The following PDE8A variants were observed in gnomAD, a reference collection of about 807,000 sequenced individuals.
PDE8A encodes phosphodiesterase 8A.
PDE8A carries 59 observed loss-of-function variants against 105.0 expected under a neutral mutation model. The observed-to-expected ratio is 0.56, with a 90% CI of 0.46 to 0.70. The LOEUF (loss-of-function observed/expected upper bound fraction) is 0.70, where lower values mean the gene tolerates loss of function less well. Ranked by LOEUF, PDE8A falls within the 30% of genes least tolerant of loss-of-function variation. PDE8A has a pLI of 0.00. For missense variants in PDE8A, 1,014 were observed against 1,045.9 expected (o/e 0.97, Z 0.42); for synonymous variants, 355 against 371.9 (o/e 0.95, Z 0.52).
At chr15:85,099,557 C>T (rs2081821785) in intron 9 of PDE8A, among the ~76,000 whole-genome samples, 1 of 152,168 alleles carries the variant, frequency 6.6e-6, no homozygotes, top group Non-Finnish European at 1.5e-5. Flanking sequence ...GCCCTCGTTG[C>T]TTTGTTTTAG....
At chr15:85,007,674 A>G (rs1423978865) in intron 1 of PDE8A, among the ~76,000 whole-genome samples, 3 of 152,092 alleles carry the variant, frequency 2.0e-5, no homozygotes, top group Non-Finnish European at 4.4e-5. Context: ...CAAGTCATAT[A>G]AAATGAGAAT....
chr15:85,023,729 A>G (rs1311373565), intron 1 of PDE8A, among the ~76,000 whole-genome samples: 2 of 152,100 alleles, frequency 1.3e-5, no homozygotes, highest in African/African-American at 4.8e-5. Context: ...CTGGGTTGTG[A>G]GAAAACTTGA....
rs181084488 is a variant in PDE8A, at chr15:85,056,661, A to G, written c.187-7709A>G. Among the ~76,000 whole-genome samples, 6 of 152,314 alleles carry G rather than the reference A, an allele frequency of 3.9e-5. No homozygotes were observed. The East Asian group carries it at 1.2e-3, about 29-fold the overall frequency. ...TCATGTCATGGTTTTCAGCTCCATC[A>G]GGTCATTTAAGGTATTCTCTATGCT... On this transcript the variant is annotated intron_variant, in intron 1 of 21. Transcript: ENST00000394553.
intron 1 of PDE8A, among the ~76,000 whole-genome samples, chr15:84,996,952 C>T (rs1462411871): frequency 1.3e-5 from 2 of 151,240 alleles, no homozygotes; most frequent in South Asian, 2.1e-4. Flanking sequence ...TGAAGGCCTA[C>T]GATATTACTG....
chr15:85,102,978 T>C (rs1183128011), intron 11 of PDE8A, among the ~76,000 whole-genome samples: 1 of 152,162 alleles, frequency 6.6e-6, no homozygotes, highest in Non-Finnish European at 1.5e-5. Context: ...CCTAGCACTT[T>C]GGGAGGCCAA....
intron 9 of PDE8A, 30 bp downstream of exon 9, chr15:85,098,066 A>G (rs1487159754): frequency 8.0e-7 from 1 of 1,249,400 alleles, no homozygotes; most frequent in Non-Finnish European, 1.2e-6. Context: ...ACATCAATCA[A>G]CATACAGTGT....
chr15:85,071,373 C>T (rs2081308153), intron 3 of PDE8A, among the ~76,000 whole-genome samples: 1 of 152,372 alleles, frequency 6.6e-6, no homozygotes, highest in Non-Finnish European at 1.5e-5. Flanking sequence ...GCCATCCCTG[C>T]TGCCCCTGAT....
intron 20 of PDE8A, among the ~76,000 whole-genome samples, chr15:85,136,021 G>C (rs2082403650): frequency 6.6e-6 from 1 of 152,154 alleles, no homozygotes; most frequent in South Asian, 2.1e-4. Flanking sequence ...ACTGTGATAG[G>C]AGTGAGAAAA....
At chr15:85,030,980 TA>T (rs1368223427) in intron 1 of PDE8A, among the ~76,000 whole-genome samples, 1 of 152,264 alleles carries the variant, frequency 6.6e-6, no homozygotes, top group East Asian at 1.9e-4. Context: ...TTTATGTTTT[TA>T]TTTCTATAAC....
In PDE8A at chr15:85,091,260, G is replaced by A. The variant is rs1373012852; in HGVS notation, c.852+79G>A. 3 of 1,261,120 alleles carry A rather than the reference G, an allele frequency of 2.4e-6. No individual in the cohort carries two copies. The African/African-American group carries it at 4.5e-5, about 19-fold the overall frequency. 78.1% of individuals were successfully genotyped at this position (1,261,120 alleles called of 1,614,324 possible). ...ACTTAGTGTTCATTGAGTACTACCA[G>A]GTAATCTTAATCTTACTCCTCCCAG... On this transcript the variant is annotated intron_variant, in intron 8 of 21. Coordinates refer to ENST00000394553, the MANE Select transcript of PDE8A (RefSeq NM_002605.3).
chr15:84,997,738 G>A (rs1217300596), intron 1 of PDE8A, among the ~76,000 whole-genome samples: 1 of 152,040 alleles, frequency 6.6e-6, no homozygotes, highest in Non-Finnish European at 1.5e-5. Flanking sequence ...GATTACAGGT[G>A]CATGCCACCA....
At chr15:85,120,331 T>C (rs2082162190) in intron 17 of PDE8A, 1 of 152,314 alleles carries the variant, frequency 6.6e-6, no homozygotes, top group African/African-American at 2.4e-5. Context: ...CCAGATCATT[T>C]TGTCAAACTC....
Position 85,098,013 on chromosome 15 carries a change from A to C in PDE8A, c.918A>C (p.Ile306=). 1 of 1,599,706 alleles carries C rather than the reference A, an allele frequency of 6.3e-7. No individual in the cohort carries two copies. The highest frequency in any genetic ancestry group is 8.6e-7 in the Non-Finnish European group (1 of 1,167,016). Residue 306 remains isoleucine (I), a synonymous_variant, in exon 9 of 22, where the codon ATA becomes ATC. Transcript: ENST00000394553. ...NGDNIQQNVK[I]IPVIGQGGKI... ...ATAATATACAACAAAATGTGAAGATAATACCTGTCATTGGACAGGGAGGGT... is the reference window on the plus strand; with the variant it reads ...ATAATATACAACAAAATGTGAAGATCATACCTGTCATTGGACAGGGAGGGT...
intron 17 of PDE8A, among the ~76,000 whole-genome samples, chr15:85,119,195 T>C (rs555217243): frequency 6.6e-6 from 1 of 152,220 alleles, no homozygotes; most frequent in South Asian, 2.1e-4. Flanking sequence ...AGAGCATTTA[T>C]TGAAATGTCA....
rs770201156 is a variant in PDE8A at position 85,097,938 on chromosome 15, C to G, written c.853-10C>G. On this transcript the variant is annotated splice_polypyrimidine_tract_variant and intron_variant, in intron 8 of 21. Transcript: ENST00000394553. ...CACAAAGTATGACGATGCTTACATT[C>G]CATTTATAGGAGTGGCAAGGAATTT... is the stretch of plus-strand genomic sequence containing the variant. The G allele has an allele frequency of 7.0e-7, 1 of 1,433,976 alleles. No individual in the cohort carries two copies. The highest frequency in any genetic ancestry group is 1.8e-4 in the Middle Eastern group (1 of 5,540). 88.8% of individuals were successfully genotyped at this position (1,433,976 alleles called of 1,614,324 possible).
chr15:84,982,818 A>G (rs917655041), intron 1 of PDE8A, among the ~76,000 whole-genome samples: 1 of 152,238 alleles, frequency 6.6e-6, no homozygotes, highest in African/African-American at 2.4e-5. Flanking sequence ...AGCTTTGCAC[A>G]TGCAGTTGCA....
At chr15:85,026,443 G>A (rs754430273) in intron 1 of PDE8A, among the ~76,000 whole-genome samples, 6 of 152,082 alleles carry the variant, frequency 3.9e-5, no homozygotes, top group Non-Finnish European at 7.4e-5. Flanking sequence ...CCAAGAGAGA[G>A]GTTCCCCAGA....
intron 1 of PDE8A, among the ~76,000 whole-genome samples, chr15:85,054,090 C>G (rs1168763362): frequency 6.6e-6 from 1 of 152,114 alleles, no homozygotes; most frequent in East Asian, 1.9e-4. Flanking sequence ...TGGTTTTTGT[C>G]TTTGGTTCTG....
chr15:85,037,479 T>C (rs1412483402), intron 1 of PDE8A, among the ~76,000 whole-genome samples: 8 of 152,230 alleles, frequency 5.3e-5, no homozygotes, highest in Admixed American at 5.2e-4. Context: ...AAATATACTA[T>C]AGATTAGTTT....
Sources: allele counts gnomAD v4.1 joint callset (sites outside exome capture counted in the v4.1 genomes callset), GRCh38; gene constraint gnomAD v4.1.1; transcripts MANE v1.5; gene names NCBI Gene and HGNC (gene_info 2026-07-23, HGNC 2026-07-21).